ERG: variants seen among roughly 807,000 people sequenced by gnomAD.
The protein encoded by ERG is ETS transcription factor ERG.
A neutral mutation model predicts 55.3 loss-of-function variants in ERG; 9 were observed. The ratio of observed to expected loss-of-function variants is 0.16; its 90% CI spans 0.10 to 0.28. The LOEUF (loss-of-function observed/expected upper bound fraction) is 0.28. ERG is among the 10% of genes least tolerant of loss of function. The pLI, the probability that ERG is intolerant of heterozygous loss-of-function variation, is 1.00. For missense variants in ERG, 434 were observed against 631.6 expected (o/e 0.69, Z 3.35); for synonymous variants, 223 against 237.3 (o/e 0.94, Z 0.55).
chr21:38,660,603 C>T (rs867042805), intron 1 of ERG: 2 of 151,972 alleles, frequency 1.3e-5, no homozygotes, highest in Non-Finnish European at 2.9e-5. Flanking sequence ...TGTGCCAGCG[C>T]GCGTGCCTTG....
rs2146502835 is a variant in ERG, at chr21:38,423,465, C to T, written c.333G>A (p.Lys111=). Residue 111 remains lysine (K), a synonymous_variant, in exon 3 of 10, where the codon AAG becomes AAA. Transcript: ENST00000288319. ...TGGTCATGTTTGGGGGTGGCATGTG[C>T]TTCTCCTCCATGTAGCTGCCGTAGT... ...GMNYGSYMEE[K]HMPPPNMTTN... is the part of the protein sequence containing the mutation. 1 of 1,614,162 alleles carries T rather than the reference C, an allele frequency of 6.2e-7. No individual in the cohort carries two copies. Among genetic ancestry groups the T allele is most frequent in the East Asian group, 2.2e-5 (1 of 44,876 alleles).
Position 38,595,848 on chromosome 21 carries a change from G to A in ERG, c.-149-10903C>T, listed in dbSNP as rs372207981. 2.0e-5 allele frequency among the ~76,000 whole-genome samples: 3 copies of A among 152,146 alleles called. No homozygotes were observed. In the East Asian group the frequency reaches 5.8e-4, roughly 29 times the overall value. ...CTGGTGAACCAACATATCACTAGGG[G>A]GTTCTTTTCTTGCTTGAAATGTCAT... is the stretch of plus-strand genomic sequence containing the variant. On this transcript the variant is annotated intron_variant, in intron 1 of 10. Transcript: ENST00000398910.
At chr21:38,387,598 TTGAA>T (rs747018054) in intron 9 of ERG, among the ~76,000 whole-genome samples, 2 of 152,216 alleles carry the variant, frequency 1.3e-5, no homozygotes, top group African/African-American at 2.4e-5. Context: ...AACTCAGTAC[TTGAA>T]TGGTCTTGTC....
intron 1 of ERG, among the ~76,000 whole-genome samples, chr21:38,637,755 T>C (rs28546278): frequency 1.3e-5 from 2 of 152,220 alleles, no homozygotes; most frequent in African/African-American, 4.8e-5. Flanking sequence ...CTTAGTCTTG[T>C]GATCCATGTC....
chr21:38,484,354 A>G (rs1372593795), intron 1 of ERG, among the ~76,000 whole-genome samples: 1 of 152,168 alleles, frequency 6.6e-6, no homozygotes, highest in Non-Finnish European at 1.5e-5. Context: ...GTGCCACTCT[A>G]AGTAGTTGGT....
At chr21:38,462,935 C>T (rs1752429248) in intron 1 of ERG, among the ~76,000 whole-genome samples, 1 of 152,172 alleles carries the variant, frequency 6.6e-6, no homozygotes, top group African/African-American at 2.4e-5. Context: ...TGCATACCAC[C>T]AACCTGTTGC....
chr21:38,467,870 C>T (rs980067682), intron 1 of ERG, among the ~76,000 whole-genome samples: 7 of 152,208 alleles, frequency 4.6e-5, no homozygotes, highest in Middle Eastern at 3.2e-3. Flanking sequence ...TGCACACTTA[C>T]GGCATGTGTG....
At position 38,456,567 on chromosome 21, in the gene ERG, G is replaced by C. The variant is rs890052720; in HGVS notation, c.19-10946C>G. Among the ~76,000 whole-genome samples, 3 of 147,756 alleles carry C rather than the reference G, an allele frequency of 2.0e-5. No homozygotes were observed. The East Asian group carries it at 6.1e-4, about 30-fold the overall frequency. On this transcript the variant is annotated intron_variant, in intron 1 of 9. Coordinates refer to ENST00000288319, the MANE Select transcript of ERG (RefSeq NM_182918.4). ...CCACTATTCACATGATGGTCCAGGG[G>C]TCTCCTTCTTTTGCTTTCTATCCCC...
intron 2 of ERG, among the ~76,000 whole-genome samples, chr21:38,503,882 G>T (rs1261739096): frequency 6.6e-6 from 1 of 152,122 alleles, no homozygotes; most frequent in African/African-American, 2.4e-5. Flanking sequence ...TACGCGGCAT[G>T]AAGACACTCT....
chr21:38,486,822 T>C (rs1212508053), intron 1 of ERG, among the ~76,000 whole-genome samples: 7 of 151,636 alleles, frequency 4.6e-5, no homozygotes, highest in Admixed American at 4.6e-4. Context: ...AAGCTGAAAC[T>C]ACAGGCAGCT....
intron 1 of ERG, among the ~76,000 whole-genome samples, chr21:38,652,565 T>C (rs1040092275): frequency 3.9e-5 from 6 of 152,054 alleles, no homozygotes; most frequent in Non-Finnish European, 5.9e-5. Context: ...GGCCTCAGGG[T>C]CTCACATATC....
rs1987517221 is a variant in ERG at position 38,382,999 on chromosome 21, G to A, written c.*404C>T. The A allele has an allele frequency of 5.6e-6, 6 of 1,071,922 alleles. No homozygotes were observed. The highest frequency in any genetic ancestry group is 1.6e-5 in the African/African-American group (1 of 61,296). The allele number at this position is 1,071,922 out of a possible 1,614,324, so 66.4% of individuals were successfully genotyped here. The stretch of plus-strand genomic sequence containing the variant: ...TTTTCCTTAAAATGGCATTATAAAC[G>A]GTATGTTAGGTCAAAACTGTGTTGT... On this transcript the variant is annotated 3_prime_UTR_variant, in exon 10 of 10. Coordinates refer to ENST00000288319, the MANE Select transcript of ERG (RefSeq NM_182918.4).
intron 6 of ERG, among the ~76,000 whole-genome samples, chr21:38,398,600 C>T (rs1305880145): frequency 6.6e-6 from 1 of 152,144 alleles, no homozygotes; most frequent in African/African-American, 2.4e-5. Flanking sequence ...AGTTTGCCAC[C>T]CTTGCCTTCC....
intron 1 of ERG, among the ~76,000 whole-genome samples, chr21:38,459,775 A>ACTT (rs1432901945): frequency 1.3e-5 from 2 of 152,186 alleles, no homozygotes; most frequent in African/African-American, 2.4e-5. Flanking sequence ...CACCTTTTCT[A>ACTT]CTTAGAAACT....
chr21:38,454,468 G>A (rs1456430711), intron 1 of ERG, among the ~76,000 whole-genome samples: 2 of 152,114 alleles, frequency 1.3e-5, no homozygotes, highest in Non-Finnish European at 2.9e-5. Context: ...AACTTCCCCA[G>A]GTGAGCTGGG....
chr21:38,389,058 C>G (rs766770408), intron 9 of ERG, among the ~76,000 whole-genome samples: 1 of 152,214 alleles, frequency 6.6e-6, no homozygotes, highest in Admixed American at 6.5e-5. Context: ...CTCTTCCTTC[C>G]TGACCTCAGA....
chr21:38,409,488 T>TTAAAA (rs1988939697), intron 3 of ERG, among the ~76,000 whole-genome samples: 2 of 79,538 alleles, frequency 2.5e-5, no homozygotes, highest in African/African-American at 1.0e-4. Flanking sequence ...CTCCGTCTCA[T>TTAAAA]AAAAAAAAAA....
At chr21:38,542,974 T>C (rs1568898394) in intron 2 of ERG, among the ~76,000 whole-genome samples, 1 of 152,166 alleles carries the variant, frequency 6.6e-6, no homozygotes, top group Non-Finnish European at 1.5e-5. Context: ...AGGAGGCCAT[T>C]GTGTTTCTAT....
At chr21:38,430,989 TTCTTCTAGTAACTG>T (rs1246421588) in intron 2 of ERG, among the ~76,000 whole-genome samples, 1 of 152,206 alleles carries the variant, frequency 6.6e-6, no homozygotes, top group Admixed American at 6.5e-5. Context: ...GCTGGTGTCC[TTCTTCTAGTAACTG>T]GAGACGTGCC....
Sources: gnomAD v4.1 joint callset for allele counts (sites outside exome capture counted in the v4.1 genomes callset) on GRCh38, gnomAD v4.1.1 for gene constraint, MANE v1.5 for transcripts, NCBI Gene and HGNC (gene_info 2026-07-23, HGNC 2026-07-21) for gene names.